Variants in INPP5A observed in about 807,000 individuals in gnomAD.
INPP5A encodes the protein 43 kDa inositol polyphosphate 5-phophatase.
A neutral mutation model predicts 65.2 loss-of-function variants in INPP5A; 14 were observed. The observed-to-expected ratio is 0.21, with a 90% confidence interval of 0.14 to 0.34. The LOEUF (loss-of-function observed/expected upper bound fraction) is 0.34. Among genes scored for constraint, INPP5A ranks in the 10% least tolerant of loss-of-function variants. The pLI is 1.00. For synonymous variants in INPP5A, 207 were observed against 208.3 expected, an observed-to-expected ratio of 0.99 and a Z score of 0.05; for missense variants, 431 against 545.6, an observed-to-expected ratio of 0.79 and a Z score of 2.09.
intron 4 of INPP5A, among the ~76,000 whole-genome samples, chr10:132,689,987 C>A (rs1476244874): frequency 6.6e-6 from 1 of 152,202 alleles, no homozygotes; most frequent in Non-Finnish European, 1.5e-5. Context: ...GCCGGTGGGA[C>A]CTGCGCCCCT....
chr10:132,646,658 G>A (rs2072498710), intron 3 of INPP5A, among the ~76,000 whole-genome samples: 4 of 152,218 alleles, frequency 2.6e-5, no homozygotes, highest in South Asian at 2.1e-4. Flanking sequence ...CATGTTGGGG[G>A]CTCGTCTCCA....
chr10:132,555,871 A>C lies in INPP5A; in HGVS notation c.75+17700A>C, dbSNP rs527318178. On this transcript the variant is annotated intron_variant, in intron 1 of 15. Coordinates refer to ENST00000368594, the MANE Select transcript of INPP5A (RefSeq NM_005539.5). The surrounding 1 kb of genome is among the most constrained non-coding windows in gnomAD (Gnocchi z 4.4). ...CTGCTGCATTAGGAATCTGCGTCAC[A>C]GATGAAAAACACGCGTTTCCCCTTT... Among the ~76,000 whole-genome samples the C allele has an allele frequency of 6.6e-6, 1 of 152,300 alleles. No individual in the cohort carries two copies. Among genetic ancestry groups the C allele is most frequent in the South Asian group, 2.1e-4 (1 of 4,824 alleles).
At chr10:132,640,978 G>A (rs1247211040) in intron 2 of INPP5A, among the ~76,000 whole-genome samples, 2 of 152,204 alleles carry the variant, frequency 1.3e-5, no homozygotes, top group African/African-American at 2.4e-5. Flanking sequence ...CTGCCATGGC[G>A]TTACAGCTTT....
intron 8 of INPP5A, among the ~76,000 whole-genome samples, chr10:132,720,320 G>A (rs1176079669): frequency 1.3e-5 from 2 of 150,624 alleles, no homozygotes; most frequent in Non-Finnish European, 3.0e-5. Flanking sequence ...TGGTGCCTGG[G>A]TTCTTTCTGG....
At chr10:132,621,769 G>A (rs899739637) in intron 2 of INPP5A, among the ~76,000 whole-genome samples, 49 of 151,062 alleles carry the variant, frequency 3.2e-4, no homozygotes, top group African/African-American at 1.0e-3. Flanking sequence ...TGGGAAAATC[G>A]TGAGGGGGGT....
At chr10:132,711,228 C>T (rs1053883234) in intron 8 of INPP5A, among the ~76,000 whole-genome samples, 7 of 152,158 alleles carry the variant, frequency 4.6e-5, no homozygotes, top group Non-Finnish European at 8.8e-5. Flanking sequence ...GCTGCTCCAC[C>T]GGTGATACTG....
intron 9 of INPP5A, among the ~76,000 whole-genome samples, chr10:132,734,589 T>C (rs1252134408): frequency 6.6e-6 from 1 of 152,176 alleles, no homozygotes; most frequent in Non-Finnish European, 1.5e-5. Context: ...GGCAGCCCCA[T>C]TGGTCCAGCA....
At chr10:132,744,506 G>A (rs559918761) in intron 9 of INPP5A, among the ~76,000 whole-genome samples, 1 of 152,160 alleles carries the variant, frequency 6.6e-6, no homozygotes, top group African/African-American at 2.4e-5. Flanking sequence ...CGTAGGTGTC[G>A]GGCAGATGGG....
Position 132,697,699 on chromosome 10 carries a change from C to T in INPP5A, c.371-117C>T, listed in dbSNP as rs1299265277. 5 of 706,420 alleles carry T rather than the reference C, an allele frequency of 7.1e-6. No homozygotes were observed. Among genetic ancestry groups the T allele is most frequent in the East Asian group, 5.5e-5 (2 of 36,560 alleles). 43.8% of individuals were successfully genotyped at this position (706,420 alleles called of 1,614,324 possible). On this transcript the variant is annotated intron_variant, in intron 5 of 15. Transcript: ENST00000368594. This position sits in a 1 kb window ranked among gnomAD's most constrained non-coding sequence, Gnocchi z 5.6. Reference sequence around the variant, plus strand: ...CGGACCCCTCATCAGGGCCTCCTCTCGGGGGGCCTCTCTGGCTCCCATCGG... The same window carrying T: ...CGGACCCCTCATCAGGGCCTCCTCTTGGGGGGCCTCTCTGGCTCCCATCGG...
chr10:132,725,697 G>A (rs1845974177), intron 8 of INPP5A, among the ~76,000 whole-genome samples: 1 of 152,190 alleles, frequency 6.6e-6, no homozygotes, highest in Non-Finnish European at 1.5e-5. Context: ...GTGGACAGCT[G>A]TGCACACCTG....
intron 8 of INPP5A, among the ~76,000 whole-genome samples, chr10:132,724,117 A>G (rs1392357734): frequency 6.6e-6 from 1 of 151,388 alleles, no homozygotes; most frequent in African/African-American, 2.5e-5. Context: ...TGTCAACAAG[A>G]AGGACTTCCC....
chr10:132,657,214 C>T (rs950645142), intron 4 of INPP5A, among the ~76,000 whole-genome samples: 17 of 152,222 alleles, frequency 1.1e-4, no homozygotes, highest in African/African-American at 3.6e-4. Flanking sequence ...GGCCACAGCA[C>T]GTGGCCGCTG....
intron 1 of INPP5A, among the ~76,000 whole-genome samples, chr10:132,599,464 G>A (rs1025669431): frequency 6.6e-6 from 1 of 152,328 alleles, no homozygotes; most frequent in Admixed American, 6.5e-5. Context: ...GGGCAGCTCC[G>A]CCCCTGCGGT....
intron 2 of INPP5A, among the ~76,000 whole-genome samples, chr10:132,629,671 G>A (rs553457333): frequency 3.9e-5 from 6 of 152,348 alleles, no homozygotes; most frequent in South Asian, 4.1e-4. Flanking sequence ...CCTGTGCTGC[G>A]GCAGTTCTCC....
intron 9 of INPP5A, among the ~76,000 whole-genome samples, chr10:132,749,279 G>T (rs1319980246): frequency 6.6e-6 from 1 of 152,252 alleles, no homozygotes; most frequent in Admixed American, 6.5e-5. Flanking sequence ...AGCAGCTCCG[G>T]GGTGTCCTCA....
intron 11 of INPP5A, among the ~76,000 whole-genome samples, chr10:132,760,848 C>G (rs1362484872): frequency 6.6e-6 from 1 of 152,230 alleles, no homozygotes; most frequent in Non-Finnish European, 1.5e-5. Flanking sequence ...CCAGGTCTAA[C>G]TCTGTGGCAG....
At chr10:132,592,858 A>C (rs886187749) in intron 1 of INPP5A, among the ~76,000 whole-genome samples, 2 of 152,148 alleles carry the variant, frequency 1.3e-5, no homozygotes, top group African/African-American at 4.8e-5. Context: ...ATGCTTCTGT[A>C]GGGTGGAGTC....
At chr10:132,631,630 G>A (rs1408791446) in intron 2 of INPP5A, among the ~76,000 whole-genome samples, 1 of 152,232 alleles carries the variant, frequency 6.6e-6, no homozygotes, top group South Asian at 2.1e-4. Flanking sequence ...ACCGAGTCTT[G>A]GCCGTGCCGA....
rs1474563624 is a variant in INPP5A, at chr10:132,587,927, A to C, written c.76-19988A>C. Among the ~76,000 whole-genome samples the C allele has an allele frequency of 2.7e-5, 4 of 150,424 alleles. No individual in the cohort carries two copies. The highest frequency in any genetic ancestry group is 9.8e-5 in the African/African-American group (4 of 40,810). On this transcript the variant is annotated intron_variant, in intron 1 of 15. Coordinates refer to ENST00000368594, the MANE Select transcript of INPP5A (RefSeq NM_005539.5). The surrounding 1 kb of genome is among the most constrained non-coding windows in gnomAD (Gnocchi z 4.3). ...CTTAGGAGGCTGACACAGGAGAATC[A>C]CTTGAATCCGGGAGGCGGAGGTTGC...
Sources: gnomAD v4.1 joint callset for allele counts (sites outside exome capture counted in the v4.1 genomes callset) on GRCh38, gnomAD v4.1.1 for gene constraint, Gnocchi (gnomAD v3.1) non-coding constraint, MANE v1.5 for transcripts, NCBI Gene and HGNC (gene_info 2026-07-23, HGNC 2026-07-21) for gene names.